The following SPDYE3 variants were observed in gnomAD, a reference collection of about 807,000 sequenced individuals.
SPDYE3 encodes speedy/RINGO cell cycle regulator family member E3, also known as speedy protein E3.
A neutral mutation model predicts 55.0 loss-of-function variants in SPDYE3; 15 were observed. The ratio of observed to expected loss-of-function variants is 0.27; its 90% CI spans 0.18 to 0.42. The LOEUF is 0.42. Among genes scored for constraint, SPDYE3 ranks in the 10% least tolerant of loss-of-function variants. The pLI is 1.00. For synonymous variants in SPDYE3, 89 were observed against 229.9 expected (o/e 0.39, Z 5.55); for missense variants, 236 against 576.7 (o/e 0.41, Z 6.05).
chr7:100,317,022 C>T, intron 7 of SPDYE3, 48 bp from the exon 8 acceptor site: 1 of 1,594,628 alleles, frequency 6.3e-7, no homozygotes, highest in South Asian at 1.1e-5. Context: ...CAATCTTCCT[C>T]TCCCAAGATG....
intron 1 of SPDYE3, among the ~76,000 whole-genome samples, chr7:100,308,467 G>C (rs1236198612): frequency 6.6e-6 from 1 of 151,868 alleles, no homozygotes; most frequent in Non-Finnish European, 1.5e-5. Context: ...CCAGCACTTT[G>C]GGAAGCCAAG....
intron 2 of SPDYE3, 58 bp from the exon 3 acceptor site, chr7:100,310,301 CG>C (rs1805928661): frequency 1.4e-6 from 1 of 731,938 alleles, no homozygotes; most frequent in Non-Finnish European, 2.1e-6. Context: ...GGTTTGGGGT[CG>C]GGGTCTAACG....
At chr7:100,315,494 A>C (rs1806080756) in intron 6 of SPDYE3, among the ~76,000 whole-genome samples, 2 of 151,576 alleles carry the variant, frequency 1.3e-5, no homozygotes, top group African/African-American at 4.9e-5. Context: ...TTCCTTTATG[A>C]CTCTGCAGTG....
In SPDYE3 at chr7:100,317,150, G is replaced by C; in HGVS notation, c.1341G>C (p.Leu447=). The C allele has an allele frequency of 6.2e-7, 1 of 1,611,786 alleles. No individual in the cohort carries two copies. Among genetic ancestry groups the C allele is most frequent in the Non-Finnish European group, 8.5e-7 (1 of 1,179,704 alleles). Residue 447 remains leucine, a synonymous_variant, in exon 8 of 11, where the codon CTG becomes CTC. Coordinates refer to ENST00000332397, the MANE Select transcript of SPDYE3 (RefSeq NM_001004351.5). ...SWQYQRIHFF[L]ALYLANDMEE... is the part of the protein sequence containing the mutation. ...AATACCAACGCATTCATTTCTTCCT[G>C]GCTCTGTGAGTGGTTTGCTGCCTCC...
intron 7 of SPDYE3, 117 bp downstream of exon 7, chr7:100,315,960 T>G: frequency 6.5e-7 from 1 of 1,531,044 alleles, no homozygotes; most frequent in Non-Finnish European, 8.9e-7. Context: ...TCCTACAGTT[T>G]TTTTTGTTTT....
chr7:100,315,115 G>A (rs555639597), intron 6 of SPDYE3, among the ~76,000 whole-genome samples: 97 of 151,374 alleles, frequency 6.4e-4, no homozygotes, highest in Middle Eastern at 3.4e-3. Flanking sequence ...AAAACTCTGC[G>A]TCAAAAGAAA....
chr7:100,319,184 T>A (rs1258287590), intron 8 of SPDYE3, among the ~76,000 whole-genome samples: 1 of 152,188 alleles, frequency 6.6e-6, no homozygotes, highest in Admixed American at 6.5e-5. Context: ...GTGCTGGGAT[T>A]ACAGGCATGA....
intron 6 of SPDYE3, among the ~76,000 whole-genome samples, chr7:100,315,235 GGCCAATGCATTCCA>G (rs1806071980): frequency 1.3e-5 from 2 of 151,992 alleles, no homozygotes; most frequent in Non-Finnish European, 2.9e-5. Context: ...GCCAAGATCA[GGCCAATGCATTCCA>G]GCCTGGCCCA....
chr7:100,319,249 T>C (rs1585001224), intron 8 of SPDYE3, among the ~76,000 whole-genome samples: 1 of 152,172 alleles, frequency 6.6e-6, no homozygotes, highest in East Asian at 1.9e-4. Flanking sequence ...GGTCTTGCTA[T>C]GTTGCCCAGG....
At chr7:100,318,690 G>A (rs1036200727) in intron 8 of SPDYE3, among the ~76,000 whole-genome samples, 1 of 150,644 alleles carries the variant, frequency 6.6e-6, no homozygotes, top group Non-Finnish European at 1.5e-5. Context: ...CCTGTAGAAG[G>A]CAGGGTCCTG....
At chr7:100,317,035 A>T in intron 7 of SPDYE3, 35 bp from the exon 8 acceptor site, 5 of 1,567,728 alleles carry the variant, frequency 3.2e-6, no homozygotes, top group African/African-American at 1.4e-5. Context: ...CCAAGATGTG[A>T]CCTCTCCCTC....
chr7:100,319,867 G>T, intron 9 of SPDYE3, 59 bp downstream of exon 9: 5 of 1,613,700 alleles, frequency 3.1e-6, no homozygotes, highest in Non-Finnish European at 4.2e-6. Flanking sequence ...CTGGAGGCTG[G>T]ACGAGGGGAG....
At chr7:100,319,388 T>C (rs1789518405) in intron 8 of SPDYE3, among the ~76,000 whole-genome samples, 177 bp from the exon 9 acceptor site, 1 of 152,164 alleles carries the variant, frequency 6.6e-6, no homozygotes, top group Admixed American at 6.5e-5. Flanking sequence ...GAGTGGGAGA[T>C]GCCCTTGATC....
At position 100,322,159 on chromosome 7, in the gene SPDYE3, C is replaced by A. The variant is rs1211504427; in HGVS notation, c.*1314C>A. On this transcript the variant is annotated 3_prime_UTR_variant, in exon 11 of 11. Coordinates refer to ENST00000332397, the MANE Select transcript of SPDYE3 (RefSeq NM_001004351.5). ...CATTTATAGCTATGTGGTAGTTCCC[C>A]TAAATTCTTGTAAAAATAAATTTTT... 2 of 151,842 alleles carry A rather than the reference C, an allele frequency of 1.3e-5. No homozygotes were observed. Among genetic ancestry groups the A allele is most frequent in the Admixed American group, 6.6e-5 (1 of 15,210 alleles). 9.4% of individuals were successfully genotyped at this position (151,842 alleles called of 1,614,324 possible). A position where few individuals can be genotyped will look rare whatever the true frequency, so the allele number is the denominator to read the frequency against.
At chr7:100,315,934 A>G (rs1372711361) in intron 7 of SPDYE3, 91 bp downstream of exon 7, 6 of 1,569,854 alleles carry the variant, frequency 3.8e-6, no homozygotes, top group Non-Finnish European at 4.3e-6. Flanking sequence ...TCCCTCCACC[A>G]CCTCCCACCA....
chr7:100,320,194 T>C (rs1789547266), intron 10 of SPDYE3, 159 bp downstream of exon 10: 9 of 1,401,310 alleles, frequency 6.4e-6, no homozygotes, highest in African/African-American at 2.9e-5. Flanking sequence ...GGGAGGCATC[T>C]CTACTCCCAA....
At chr7:100,319,462 C>A (rs1416000806) in intron 8 of SPDYE3, 103 bp from the exon 9 acceptor site, 1 of 1,577,904 alleles carries the variant, frequency 6.3e-7, no homozygotes, top group East Asian at 2.2e-5. Flanking sequence ...GGTGCCAGTC[C>A]TGAGCTAGGG....
At position 100,317,143 on chromosome 7, in the gene SPDYE3, T is replaced by C. The variant is rs1192848762; in HGVS notation, c.1334T>C (p.Phe445Ser). Reference sequence around the variant, plus strand: ...TCCTGGCAATACCAACGCATTCATTTCTTCCTGGCTCTGTGAGTGGTTTGC... The same window carrying C: ...TCCTGGCAATACCAACGCATTCATTCCTTCCTGGCTCTGTGAGTGGTTTGC... Reference protein sequence around the residue: ...LPSWQYQRIHFFLALYLANDM... With the variant: ...LPSWQYQRIHSFLALYLANDM... The change falls in exon 8 of 11, where the codon TTC becomes TCC. Residue 445 changes from phenylalanine to serine, a missense_variant. Physicochemically the swap from Phe to Ser is radical, Grantham distance 155 (BLOSUM62 -2). Coordinates refer to ENST00000332397, the MANE Select transcript of SPDYE3 (RefSeq NM_001004351.5). 6.2e-7 allele frequency: 1 copy of C among 1,611,758 alleles called. No homozygotes were observed. The highest frequency in any genetic ancestry group is 8.5e-7 in the Non-Finnish European group (1 of 1,179,728).
At chr7:100,312,369 T>C (rs553024265) in intron 4 of SPDYE3, among the ~76,000 whole-genome samples, 1 of 148,836 alleles carries the variant, frequency 6.7e-6, no homozygotes, top group Non-Finnish European at 1.5e-5. Flanking sequence ...CAGTAGCTCA[T>C]GCCTGTAGTT....
Sources: gnomAD v4.1 joint callset for allele counts (sites outside exome capture counted in the v4.1 genomes callset) on GRCh38, gnomAD v4.1.1 for gene constraint, MANE v1.5 for transcripts, NCBI Gene and HGNC (gene_info 2026-07-23, HGNC 2026-07-21) for gene names.